Variants in FNIP2 observed in about 807,000 individuals in gnomAD.
FNIP2 encodes folliculin-interacting protein 2.
FNIP2 carries 32 observed loss-of-function variants against 108.7 expected under a neutral mutation model. The ratio of observed to expected loss-of-function variants is 0.29; its 90% CI spans 0.22 to 0.40. FNIP2 has a LOEUF of 0.40. FNIP2 is among the 10% of genes least tolerant of loss of function. The pLI is 1.00. For missense variants in FNIP2, 1,202 were observed against 1,381.6 expected (o/e 0.87, Z 2.06); for synonymous variants, 480 against 496.7 (o/e 0.97, Z 0.45).
At chr4:158,843,515 A>G (rs1228002751) in intron 7 of FNIP2, among the ~76,000 whole-genome samples, 1 of 152,238 alleles carries the variant, frequency 6.6e-6, no homozygotes, top group Non-Finnish European at 1.5e-5. Flanking sequence ...TTTATATTCA[A>G]TAAAGGAGAG....
intron 8 of FNIP2, 67 bp from the exon 9 acceptor site, chr4:158,858,990 A>G (rs1780139032): frequency 9.1e-6 from 12 of 1,325,890 alleles, no homozygotes; most frequent in Non-Finnish European, 1.3e-5. Flanking sequence ...ATCCCCAGTC[A>G]TTACAGTTGA....
At chr4:158,827,801 A>G (rs1265909408) in intron 2 of FNIP2, among the ~76,000 whole-genome samples, 1 of 152,108 alleles carries the variant, frequency 6.6e-6, no homozygotes, top group Non-Finnish European at 1.5e-5. Flanking sequence ...TGTTTTCCTT[A>G]CGTTCTTTTC....
At position 158,869,082 on chromosome 4, in the gene FNIP2, G is replaced by A. The variant is rs751093209; in HGVS notation, c.2446G>A (p.Ala816Thr). 8.1e-6 allele frequency: 13 copies of A among 1,613,904 alleles called. No homozygotes were observed. Among genetic ancestry groups the A allele is most frequent in the East Asian group, 6.7e-5 (3 of 44,900 alleles). ...AGATATTGCTGGGCAGCTCAGCCAC[G>A]CTGCTGACTTGGGCACAGCCTCCCA... The part of the protein sequence containing the change: ...AADIAGQLSH[A>T]ADLGTASHGA... The change falls in exon 13 of 17, where the codon GCT becomes ACT. Residue 816 changes from alanine to threonine, a missense_variant. By Grantham distance (58) the Ala-to-Thr change is moderately conservative (BLOSUM62 0). Transcript: ENST00000264433.
chr4:158,876,420 T>G (rs1332298047), intron 14 of FNIP2, among the ~76,000 whole-genome samples: 5 of 152,240 alleles, frequency 3.3e-5, no homozygotes, highest in Non-Finnish European at 7.3e-5. Flanking sequence ...CTGTATCTCC[T>G]CTTATGCCCC....
At chr4:158,899,905 C>T (rs1408203539) in intron 16 of FNIP2, among the ~76,000 whole-genome samples, 3 of 152,092 alleles carry the variant, frequency 2.0e-5, no homozygotes, top group Non-Finnish European at 2.9e-5. Flanking sequence ...AATTTGTTTG[C>T]TCTTGCTTCT....
At chr4:158,881,880 G>A (rs1161855547) in intron 14 of FNIP2, among the ~76,000 whole-genome samples, 5 of 152,206 alleles carry the variant, frequency 3.3e-5, no homozygotes, top group Non-Finnish European at 7.3e-5. Flanking sequence ...CACCCCGTCT[G>A]GGAAGTGAGG....
chr4:158,860,744 C>A (rs953158556), intron 10 of FNIP2, among the ~76,000 whole-genome samples: 1 of 150,672 alleles, frequency 6.6e-6, no homozygotes, highest in African/African-American at 2.4e-5. Context: ...GCAACCTTCA[C>A]CTCCTGGGTT....
intron 12 of FNIP2, among the ~76,000 whole-genome samples, chr4:158,867,294 G>A (rs1383970457): frequency 6.6e-6 from 1 of 152,184 alleles, no homozygotes; most frequent in African/African-American, 2.4e-5. Context: ...CCAGGTTCAA[G>A]CAATTCTCCT....
intron 14 of FNIP2, among the ~76,000 whole-genome samples, chr4:158,884,916 G>A (rs1051223184): frequency 4.0e-5 from 6 of 151,558 alleles, no homozygotes; most frequent in East Asian, 1.9e-4. Flanking sequence ...CGAGGCAGGC[G>A]GATCACTTGA....
At chr4:158,893,902 G>A (rs915678857) in intron 15 of FNIP2, among the ~76,000 whole-genome samples, 1 of 152,112 alleles carries the variant, frequency 6.6e-6, no homozygotes, top group Non-Finnish European at 1.5e-5. Context: ...GCACTTACTA[G>A]TGTGAATGAC....
chr4:158,904,562 T>C lies in FNIP2; in HGVS notation c.*18T>C, dbSNP rs764642542. 1 of 1,604,590 alleles carries C rather than the reference T, an allele frequency of 6.2e-7. No homozygotes were observed. Among genetic ancestry groups the C allele is most frequent in the South Asian group, 1.1e-5 (1 of 90,666 alleles). ...TCTTATAAGCTAAAGCTCAGGACAG[T>C]TCTTCCTTGGAAGAAAAAAATCAAA... On this transcript the variant is annotated 3_prime_UTR_variant, in exon 17 of 17. Transcript: ENST00000264433.
chr4:158,861,801 G>A (rs1408047412), intron 12 of FNIP2, 25 bp downstream of exon 12: 1 of 1,612,292 alleles, frequency 6.2e-7, no homozygotes, highest in Admixed American at 1.7e-5. Flanking sequence ...TGACTATTCA[G>A]AGAATATATG....
chr4:158,880,097 A>T (rs1041869888), intron 14 of FNIP2, among the ~76,000 whole-genome samples: 1 of 150,386 alleles, frequency 6.6e-6, no homozygotes. Flanking sequence ...TACTGGGCAT[A>T]TACCCAAAGG....
At chr4:158,832,689 A>C (rs1173641166) in intron 5 of FNIP2, among the ~76,000 whole-genome samples, 1 of 152,216 alleles carries the variant, frequency 6.6e-6, no homozygotes, top group Non-Finnish European at 1.5e-5. Context: ...AATACCATTA[A>C]GTGAGTCTTG....
At chr4:158,842,728 ATTTTTTAAAAAGGAAAAAAT>A (rs1779196668) in intron 7 of FNIP2, among the ~76,000 whole-genome samples, 1 of 152,182 alleles carries the variant, frequency 6.6e-6, no homozygotes, top group Non-Finnish European at 1.5e-5. Flanking sequence ...AATTATACAA[ATTTTTTAAAAAGGAAAAAAT>A]TTAAGATGTT....
chr4:158,838,518 G>A (rs1300698792), intron 7 of FNIP2, among the ~76,000 whole-genome samples: 2 of 152,176 alleles, frequency 1.3e-5, no homozygotes, highest in South Asian at 4.1e-4. Flanking sequence ...ACCACGCCTA[G>A]CCTAGGCCTG....
intron 1 of FNIP2, among the ~76,000 whole-genome samples, chr4:158,777,581 G>A (rs1775901032): frequency 6.6e-6 from 1 of 152,222 alleles, no homozygotes; most frequent in African/African-American, 2.4e-5. Context: ...GGCAATGACT[G>A]TTTGCTTTAG....
At chr4:158,796,678 C>T (rs888482037) in intron 1 of FNIP2, among the ~76,000 whole-genome samples, 34 of 152,196 alleles carry the variant, frequency 2.2e-4, no homozygotes, top group African/African-American at 7.2e-4. Context: ...AAAATTAACA[C>T]GTCGCATTTG....
At chr4:158,773,273 A>G (rs1421344895) in intron 1 of FNIP2, among the ~76,000 whole-genome samples, 1 of 152,130 alleles carries the variant, frequency 6.6e-6, no homozygotes, top group Non-Finnish European at 1.5e-5. Flanking sequence ...CTTACATCAT[A>G]TCTCCTTGTC....
Sources: gnomAD v4.1 joint callset for allele counts (sites outside exome capture counted in the v4.1 genomes callset) on GRCh38, gnomAD v4.1.1 for gene constraint, MANE v1.5 for transcripts, NCBI Gene and HGNC (gene_info 2026-07-23, HGNC 2026-07-21) for gene names.